Variants in UNC5D observed in about 807,000 individuals in gnomAD.
UNC5D encodes unc-5 netrin receptor D, also known as netrin receptor UNC5D.
In UNC5D, 39 loss-of-function variants were observed where a neutral mutation model predicts 105.4. That is an observed-to-expected ratio of 0.37 (90% CI 0.29 to 0.48). The LOEUF (loss-of-function observed/expected upper bound fraction) is 0.48. Ranked by LOEUF, UNC5D falls within the 20% of genes least tolerant of loss-of-function variation. The pLI, the probability that UNC5D is intolerant of heterozygous loss-of-function variation, is 0.98. For missense variants in UNC5D, 991 were observed against 1,202.4 expected (o/e 0.82, Z 2.60); for synonymous variants, 452 against 450.4 (o/e 1.00, Z -0.04).
chr8:35,379,382 T>C (rs1382158272), intron 1 of UNC5D, among the ~76,000 whole-genome samples: 2 of 152,202 alleles, frequency 1.3e-5, no homozygotes, highest in African/African-American at 4.8e-5. Flanking sequence ...CAGCTGCTCC[T>C]GAGCCCCGCA....
chr8:35,717,124 A>G (rs1166022955), intron 8 of UNC5D, among the ~76,000 whole-genome samples: 2 of 152,212 alleles, frequency 1.3e-5, no homozygotes, highest in African/African-American at 4.8e-5. Context: ...CATATATACC[A>G]GTTCAAGTAT....
chr8:35,280,962 T>C (rs895742858), intron 1 of UNC5D, among the ~76,000 whole-genome samples: 1 of 152,246 alleles, frequency 6.6e-6, no homozygotes, highest in Non-Finnish European at 1.5e-5. Context: ...AACATATGTG[T>C]GCCTGTCTCC....
At chr8:35,730,928 C>T in intron 10 of UNC5D, 84 bp from the exon 11 acceptor site, 5 of 1,203,288 alleles carry the variant, frequency 4.2e-6, no homozygotes, top group East Asian at 2.4e-5. Context: ...GCTTGTTTTC[C>T]AGGTATCTGT....
At chr8:35,474,979 G>T (rs1809983762) in intron 1 of UNC5D, among the ~76,000 whole-genome samples, 2 of 152,080 alleles carry the variant, frequency 1.3e-5, no homozygotes, top group South Asian at 4.1e-4. Flanking sequence ...CTTAGATCCT[G>T]GGAGGGTACA....
intron 1 of UNC5D, among the ~76,000 whole-genome samples, chr8:35,545,997 C>T (rs925559997): frequency 5.3e-5 from 8 of 152,086 alleles, no homozygotes; most frequent in African/African-American, 9.7e-5. Flanking sequence ...TGAGCTCAAG[C>T]GAGCCTCCCA....
chr8:35,548,865 C>G (rs1490976725), intron 1 of UNC5D, among the ~76,000 whole-genome samples: 1 of 152,140 alleles, frequency 6.6e-6, no homozygotes, highest in Non-Finnish European at 1.5e-5. Context: ...TGTTATCATC[C>G]CTGTCATTCA....
At chr8:35,283,208 C>CT (rs1287434121) in intron 1 of UNC5D, among the ~76,000 whole-genome samples, 2 of 152,068 alleles carry the variant, frequency 1.3e-5, no homozygotes, top group South Asian at 4.2e-4. Context: ...CTCATGTAAT[C>CT]TTTTTTTTAA....
chr8:35,257,743 G>A (rs535120158), intron 1 of UNC5D, among the ~76,000 whole-genome samples: 48 of 152,244 alleles, frequency 3.2e-4, no homozygotes, highest in South Asian at 1.0e-3. Flanking sequence ...CAGTATTACC[G>A]CAGGAGAATT....
chr8:35,784,293 G>A (rs1586641315), intron 16 of UNC5D, among the ~76,000 whole-genome samples: 1 of 151,930 alleles, frequency 6.6e-6, no homozygotes, highest in Admixed American at 6.6e-5. Context: ...GAATGTATTC[G>A]GCTGTCTTCT....
intron 3 of UNC5D, among the ~76,000 whole-genome samples, chr8:35,584,603 T>C (rs553746796): frequency 2.7e-5 from 4 of 150,606 alleles, no homozygotes; most frequent in Non-Finnish European, 4.4e-5. Context: ...GTTGTTTTCC[T>C]GGTTTTGTTT....
intron 1 of UNC5D, among the ~76,000 whole-genome samples, chr8:35,385,150 G>A (rs1803305918): frequency 6.6e-6 from 1 of 152,218 alleles, no homozygotes; most frequent in African/African-American, 2.4e-5. Flanking sequence ...GGTGGGAAAA[G>A]TCTGTTTCAT....
At chr8:35,549,690 T>C (rs1296953950) in intron 2 of UNC5D, among the ~76,000 whole-genome samples, 180 bp downstream of exon 2, 1 of 152,222 alleles carries the variant, frequency 6.6e-6, no homozygotes, top group African/African-American at 2.4e-5. Flanking sequence ...GCTGCCTTGG[T>C]AGTCCCTTCC....
chr8:35,277,797 A>C (rs908726252), intron 1 of UNC5D, among the ~76,000 whole-genome samples: 1 of 152,188 alleles, frequency 6.6e-6, no homozygotes, highest in African/African-American at 2.4e-5. Flanking sequence ...GAAGATGGTC[A>C]CTTTGCTTCT....
chr8:35,345,681 T>A (rs954776468), intron 1 of UNC5D, among the ~76,000 whole-genome samples: 11 of 152,140 alleles, frequency 7.2e-5, no homozygotes, highest in African/African-American at 2.7e-4. Flanking sequence ...TTATTTTAAA[T>A]GTTCTGTGTG....
chr8:35,458,373 A>G (rs1563438102), intron 1 of UNC5D, among the ~76,000 whole-genome samples: 2 of 152,100 alleles, frequency 1.3e-5, no homozygotes. Context: ...CTTGACCCTG[A>G]CAGTTGCTTG....
intron 2 of UNC5D, among the ~76,000 whole-genome samples, chr8:35,552,575 A>G (rs1447274536): frequency 1.3e-5 from 2 of 152,220 alleles, no homozygotes; most frequent in Non-Finnish European, 2.9e-5. Context: ...TAATCTGGGC[A>G]TGTTTCTGGC....
chr8:35,644,310 G>C (rs934059248), intron 4 of UNC5D, among the ~76,000 whole-genome samples: 1 of 152,090 alleles, frequency 6.6e-6, no homozygotes, highest in South Asian at 2.1e-4. Flanking sequence ...TATACCTGTT[G>C]GTGGCCATGC....
intron 1 of UNC5D, among the ~76,000 whole-genome samples, chr8:35,416,258 A>G (rs1805528525): frequency 6.6e-6 from 1 of 152,094 alleles, no homozygotes; most frequent in Non-Finnish European, 1.5e-5. Flanking sequence ...TGCTGGCTAC[A>G]TTTTTTGATT....
intron 3 of UNC5D, among the ~76,000 whole-genome samples, chr8:35,584,484 A>G (rs1818657792): frequency 6.6e-6 from 1 of 152,090 alleles, no homozygotes; most frequent in Non-Finnish European, 1.5e-5. Flanking sequence ...GCATGATTAT[A>G]GCTCACTGTG....
Sources: gnomAD v4.1 joint callset for allele counts (sites outside exome capture counted in the v4.1 genomes callset) on GRCh38, gnomAD v4.1.1 for gene constraint, MANE v1.5 for transcripts, NCBI Gene and HGNC (gene_info 2026-07-23, HGNC 2026-07-21) for gene names.